CDH18: variants seen among roughly 807,000 people sequenced by gnomAD.
CDH18 encodes cadherin-18.
CDH18 carries 31 observed loss-of-function variants against 67.9 expected under a neutral mutation model. The ratio of observed to expected loss-of-function variants is 0.46; its 90% CI spans 0.34 to 0.62. CDH18 has a LOEUF of 0.62. Ranked by LOEUF, CDH18 falls within the 20% of genes least tolerant of loss-of-function variation. CDH18 has a pLI of 0.01. For synonymous variants in CDH18, 362 were observed against 347.2 expected, an observed-to-expected ratio of 1.04 and a Z score of -0.48; for missense variants, 890 against 975.5, an observed-to-expected ratio of 0.91 and a Z score of 1.17.
intron 1 of CDH18, among the ~76,000 whole-genome samples, chr5:20,479,870 T>C (rs964684177): frequency 6.6e-6 from 1 of 151,974 alleles, no homozygotes; most frequent in Non-Finnish European, 1.5e-5. Flanking sequence ...ATAAAGAAAG[T>C]AACCTAAAAG....
intron 3 of CDH18, among the ~76,000 whole-genome samples, chr5:19,837,189 C>T (rs1425329484): frequency 6.6e-6 from 1 of 152,028 alleles, no homozygotes; most frequent in East Asian, 1.9e-4. Context: ...TGTTCTCACT[C>T]ATAAGTGGGG....
intron 2 of CDH18, among the ~76,000 whole-genome samples, chr5:19,943,486 C>A (rs1456442915): frequency 6.6e-6 from 1 of 152,100 alleles, no homozygotes; most frequent in Non-Finnish European, 1.5e-5. Flanking sequence ...AAAGCCATTG[C>A]AAGCTCTAAA....
At chr5:20,274,250 C>A (rs1269310908) in intron 1 of CDH18, among the ~76,000 whole-genome samples, 1 of 152,034 alleles carries the variant, frequency 6.6e-6, no homozygotes, top group Non-Finnish European at 1.5e-5. Flanking sequence ...TATTTATGAA[C>A]AGAAGAATGA....
At chr5:19,588,754 T>C (rs774011594) in intron 7 of CDH18, among the ~76,000 whole-genome samples, 7 of 151,950 alleles carry the variant, frequency 4.6e-5, no homozygotes, top group Non-Finnish European at 1.0e-4. Flanking sequence ...GCAATCCTAG[T>C]TTCTGACAGA....
At chr5:20,103,169 T>C (rs1057395601) in intron 2 of CDH18, among the ~76,000 whole-genome samples, 1 of 152,198 alleles carries the variant, frequency 6.6e-6, no homozygotes, top group Non-Finnish European at 1.5e-5. Context: ...AAACATCCCT[T>C]GTCAAATTGT....
chr5:20,504,696 G>A (rs1287257203), intron 1 of CDH18, among the ~76,000 whole-genome samples: 1 of 150,636 alleles, frequency 6.6e-6, no homozygotes, highest in Non-Finnish European at 1.5e-5. Flanking sequence ...TAAAAAGAAT[G>A]AACAGTTAAA....
chr5:20,343,906 TG>T (rs1412864149), intron 1 of CDH18, among the ~76,000 whole-genome samples: 3 of 152,136 alleles, frequency 2.0e-5, no homozygotes, highest in Non-Finnish European at 4.4e-5. Context: ...CAAAAGAGGA[TG>T]GGTAAAATAA....
At chr5:20,401,847 T>G (rs1047345876) in intron 1 of CDH18, among the ~76,000 whole-genome samples, 1 of 152,208 alleles carries the variant, frequency 6.6e-6, no homozygotes, top group African/African-American at 2.4e-5. Context: ...TTGTTCATAT[T>G]GACCAGAGTG....
intron 2 of CDH18, among the ~76,000 whole-genome samples, chr5:19,843,088 G>C (rs1415900664): frequency 6.6e-6 from 1 of 152,218 alleles, no homozygotes; most frequent in Non-Finnish European, 1.5e-5. Flanking sequence ...ATTGAAGCCA[G>C]CTTGAGAAAT....
intron 1 of CDH18, among the ~76,000 whole-genome samples, chr5:20,530,836 TTA>T (rs1425101057): frequency 3.9e-5 from 6 of 152,096 alleles, no homozygotes; most frequent in African/African-American, 1.4e-4. Flanking sequence ...GGCAAAGATT[TTA>T]TGAGGAAATC....
At chr5:19,857,054 C>T (rs900812774) in intron 2 of CDH18, among the ~76,000 whole-genome samples, 2 of 151,972 alleles carry the variant, frequency 1.3e-5, no homozygotes, top group Non-Finnish European at 2.9e-5. Flanking sequence ...GAGATCCCAT[C>T]TCCACAAAAA....
intron 2 of CDH18, among the ~76,000 whole-genome samples, chr5:20,155,145 C>A (rs1465127952): frequency 6.6e-6 from 1 of 152,076 alleles, no homozygotes; most frequent in Non-Finnish European, 1.5e-5. Flanking sequence ...TCTATGGCCT[C>A]AGATGTTCAT....
intron 2 of CDH18, among the ~76,000 whole-genome samples, chr5:20,197,371 A>G (rs563574874): frequency 1.2e-4 from 18 of 152,342 alleles, no homozygotes; most frequent in South Asian, 6.2e-4. Context: ...AATGAATACA[A>G]TGTTCTAGAC....
In CDH18 at chr5:19,669,153, TATC is replaced by T. The variant is rs1443101778; in HGVS notation, c.643+52191_643+52193del. 1.9e-4 allele frequency among the ~76,000 whole-genome samples: 28 copies of T among 146,388 alleles called. No individual in the cohort carries two copies. In the East Asian group the frequency reaches 3.3e-3, roughly 17 times the overall value. On this transcript the variant is annotated intron_variant, in intron 5 of 12. Coordinates refer to ENST00000382275, the MANE Select transcript of CDH18 (RefSeq NM_004934.5). ...ATAATATATCATACATTATATATAA[TATC>T]ATATATCATATATATCATAATAATA...
intron 2 of CDH18, among the ~76,000 whole-genome samples, chr5:19,902,004 C>G (rs1789989207): frequency 6.6e-6 from 1 of 152,004 alleles, no homozygotes; most frequent in Non-Finnish European, 1.5e-5. Context: ...AATAACTCTA[C>G]CATTTTTTCT....
At chr5:19,862,357 T>C (rs4866155) in intron 2 of CDH18, among the ~76,000 whole-genome samples, 135,395 of 152,116 alleles carry the variant, frequency 0.89, 60,401 homozygotes, top group Non-Finnish European at 0.92. Context: ...CCTTTGTGTC[T>C]ATAAAATTAG....
chr5:20,084,925 G>T (rs557501285), intron 2 of CDH18, among the ~76,000 whole-genome samples: 2 of 152,150 alleles, frequency 1.3e-5, no homozygotes, highest in Non-Finnish European at 2.9e-5. Context: ...GGGAGGGGCT[G>T]CCTTGAAGAC....
At chr5:19,556,106 A>C (rs2127176061) in intron 8 of CDH18, among the ~76,000 whole-genome samples, 1 of 152,314 alleles carries the variant, frequency 6.6e-6, no homozygotes, top group East Asian at 1.9e-4. Context: ...ATCCTGTGGG[A>C]GAAAAGAATC....
chr5:19,979,533 T>C (rs1418321676), intron 2 of CDH18, among the ~76,000 whole-genome samples: 2 of 152,122 alleles, frequency 1.3e-5, no homozygotes, highest in Non-Finnish European at 2.9e-5. Context: ...TTTTGTCTAC[T>C]CTTCTTTTAC....
Sources: gnomAD v4.1 joint callset for allele counts (sites outside exome capture counted in the v4.1 genomes callset) on GRCh38, gnomAD v4.1.1 for gene constraint, MANE v1.5 for transcripts, NCBI Gene and HGNC (gene_info 2026-07-23, HGNC 2026-07-21) for gene names.